SMAD1: variants seen among roughly 807,000 people sequenced by gnomAD.
SMAD1 encodes the protein MAD, mothers against decapentaplegic homolog 1.
Under a neutral mutation model 41.6 loss-of-function variants are expected in SMAD1, and 6 were observed. The observed-to-expected ratio is 0.14, with a 90% CI of 0.08 to 0.28. SMAD1 has a LOEUF of 0.28. Ranked by LOEUF, SMAD1 falls within the 10% of genes least tolerant of loss-of-function variation. The pLI, the probability that SMAD1 is intolerant of heterozygous loss-of-function variation, is 1.00. For missense variants in SMAD1, 379 were observed against 582.6 expected (o/e 0.65, Z 3.60); for synonymous variants, 206 against 203.2 (o/e 1.01, Z -0.12).
chr4:145,532,810 C>G (rs1332241086), intron 2 of SMAD1, among the ~76,000 whole-genome samples: 1 of 152,222 alleles, frequency 6.6e-6, no homozygotes, highest in Non-Finnish European at 1.5e-5. Flanking sequence ...CTCACCCTCT[C>G]TCCCTTCCTA....
chr4:145,492,075 G>C (rs1728798803), intron 1 of SMAD1, among the ~76,000 whole-genome samples: 1 of 152,072 alleles, frequency 6.6e-6, no homozygotes, highest in African/African-American at 2.4e-5. Context: ...AGGATAATAG[G>C]GGTCATGGGT....
chr4:145,496,845 G>A (rs1441163878), intron 1 of SMAD1, among the ~76,000 whole-genome samples: 2 of 152,190 alleles, frequency 1.3e-5, no homozygotes, highest in Admixed American at 1.3e-4. Flanking sequence ...GAAGTTGGTG[G>A]TGATAGTGAT....
intron 2 of SMAD1, among the ~76,000 whole-genome samples, chr4:145,521,078 C>T (rs767894191): frequency 6.6e-6 from 1 of 152,156 alleles, no homozygotes; most frequent in Non-Finnish European, 1.5e-5. Context: ...AGAGAAAGTT[C>T]GTGGAGCTTC....
In SMAD1 at chr4:145,514,490, TG is replaced by T; in HGVS notation, c.-122del. 1.1e-6 allele frequency: 1 copy of T among 920,606 alleles called. No homozygotes were observed. Among genetic ancestry groups the T allele is most frequent in the Non-Finnish European group, 1.6e-6 (1 of 622,190 alleles). The allele number at this position is 920,606 out of a possible 1,614,324, so 57.0% of individuals were successfully genotyped here. A position where few individuals can be genotyped will look rare whatever the true frequency, so the allele number is the denominator to read the frequency against. ...CTAGGAATGGTAATTTCTACTCTTCTGGACTTCAAACTAAGAAGTTAAAGAG... is the reference window on the plus strand; with the variant it reads ...CTAGGAATGGTAATTTCTACTCTTCTGACTTCAAACTAAGAAGTTAAAGAG... On this transcript the variant is annotated 5_prime_UTR_variant, in exon 2 of 7. An upstream open reading frame in the 5' UTR gains an earlier in-frame stop. Coordinates refer to ENST00000302085, the MANE Select transcript of SMAD1 (RefSeq NM_005900.3). The surrounding 1 kb of genome is among the most constrained non-coding windows in gnomAD (Gnocchi z 4.7).
At chr4:145,529,070 T>C (rs958212619) in intron 2 of SMAD1, among the ~76,000 whole-genome samples, 3 of 152,248 alleles carry the variant, frequency 2.0e-5, no homozygotes, top group African/African-American at 4.8e-5. Flanking sequence ...TGAGAAGTAC[T>C]ATTATTCCTA....
At chr4:145,542,449 G>A (rs1210198553) in intron 3 of SMAD1, 133 bp from the exon 4 acceptor site, 1 of 561,008 alleles carries the variant, frequency 1.8e-6, no homozygotes, top group African/African-American at 1.9e-5. Flanking sequence ...AGTGCCTGTA[G>A]CCTTTAGTCT....
At position 145,493,736 on chromosome 4, in the gene SMAD1, C is replaced by G. The variant is rs75733611; in HGVS notation, c.-177+11698C>G. Among the ~76,000 whole-genome samples the G allele has an allele frequency of 6.9e-3, 1,044 of 152,260 alleles. 12 individuals carry two copies. The highest frequency in any genetic ancestry group is 0.024 in the African/African-American group (989 of 41,544). On this transcript the variant is annotated intron_variant, in intron 1 of 6. Transcript: ENST00000302085. Reference sequence around the variant, plus strand: ...TTTGTTAAGCTGATATTAATCAATTCAGCAAGTATTTCATGCATTCCTGCT... The same window carrying G: ...TTTGTTAAGCTGATATTAATCAATTGAGCAAGTATTTCATGCATTCCTGCT...
intron 1 of SMAD1, among the ~76,000 whole-genome samples, chr4:145,490,639 GT>G: frequency 6.6e-6 from 1 of 152,286 alleles, no homozygotes; most frequent in East Asian, 1.9e-4. Flanking sequence ...ACACTTACTT[GT>G]TTTATAAGAA....
chr4:145,489,466 A>AAAAT (rs1210348386), intron 1 of SMAD1, among the ~76,000 whole-genome samples: 3 of 147,606 alleles, frequency 2.0e-5, no homozygotes, highest in Non-Finnish European at 4.4e-5. Flanking sequence ...GAAGGATTTA[A>AAAAT]AAATAAATAA....
intron 4 of SMAD1, among the ~76,000 whole-genome samples, chr4:145,542,958 A>G (rs1044189759): frequency 1.3e-5 from 2 of 152,020 alleles, no homozygotes; most frequent in African/African-American, 2.4e-5. Flanking sequence ...ATAATTTTTA[A>G]CTGATGATGA....
Position 145,557,948 on chromosome 4 carries a change from T to C in SMAD1, c.*14T>C. The C allele has an allele frequency of 6.3e-7, 1 of 1,589,032 alleles. No individual in the cohort carries two copies. The highest frequency in any genetic ancestry group is 8.6e-7 in the Non-Finnish European group (1 of 1,165,194). ...TCTGTATCTTAAATGGCCCCAGGCA[T>C]CTGCCTCTGGAAAACTATTGAGCCT... On this transcript the variant is annotated 3_prime_UTR_variant, in exon 7 of 7. Coordinates refer to ENST00000302085, the MANE Select transcript of SMAD1 (RefSeq NM_005900.3).
At chr4:145,556,005 G>C (rs1429325469) in intron 6 of SMAD1, among the ~76,000 whole-genome samples, 1 of 152,110 alleles carries the variant, frequency 6.6e-6, no homozygotes, top group Non-Finnish European at 1.5e-5. Context: ...TTTGCACACT[G>C]TTTTTACAAA....
intron 1 of SMAD1, among the ~76,000 whole-genome samples, chr4:145,489,628 T>C (rs1728670645): frequency 6.6e-6 from 1 of 152,178 alleles, no homozygotes; most frequent in African/African-American, 2.4e-5. Context: ...GAAGAGCTGG[T>C]TGTAGAAGAA....
intron 1 of SMAD1, among the ~76,000 whole-genome samples, chr4:145,490,863 G>A (rs1278308251): frequency 2.0e-5 from 3 of 152,158 alleles, no homozygotes; most frequent in Non-Finnish European, 4.4e-5. Flanking sequence ...AATAAGTATT[G>A]TATTCTGAAT....
At chr4:145,534,271 A>G (rs1489780322) in intron 2 of SMAD1, among the ~76,000 whole-genome samples, 2 of 152,278 alleles carry the variant, frequency 1.3e-5, no homozygotes, top group Admixed American at 1.3e-4. Context: ...AATGCAGACA[A>G]TACTTGTAGA....
At chr4:145,533,393 T>C (rs1034419527) in intron 2 of SMAD1, among the ~76,000 whole-genome samples, 26 of 152,202 alleles carry the variant, frequency 1.7e-4, no homozygotes, top group African/African-American at 5.8e-4. Context: ...ACCCTACTTA[T>C]ACAGTCTCCA....
rs1038487391 is a variant in SMAD1 at position 145,514,125 on chromosome 4, G to C, written c.-176-313G>C. Among the ~76,000 whole-genome samples, 4 of 152,094 alleles carry C rather than the reference G, an allele frequency of 2.6e-5. No homozygotes were observed. The highest frequency in any genetic ancestry group is 7.2e-5 in the African/African-American group (3 of 41,400). ...CTGGCTTGCAGATGATCACCTTCTT[G>C]CAGTACCCTCAGTGTGTGTGCATAG... On this transcript the variant is annotated intron_variant, in intron 1 of 6. Coordinates refer to ENST00000302085, the MANE Select transcript of SMAD1 (RefSeq NM_005900.3). The surrounding 1 kb of genome is among the most constrained non-coding windows in gnomAD (Gnocchi z 4.7).
chr4:145,511,354 A>G (rs897429024), intron 1 of SMAD1, among the ~76,000 whole-genome samples: 3 of 152,040 alleles, frequency 2.0e-5, no homozygotes, highest in African/African-American at 4.8e-5. Flanking sequence ...CATAACACCT[A>G]TCATAACTCC....
chr4:145,527,213 A>G (rs1255334424), intron 2 of SMAD1, among the ~76,000 whole-genome samples: 1 of 150,170 alleles, frequency 6.7e-6, no homozygotes, highest in Non-Finnish European at 1.5e-5. Flanking sequence ...CTTACCATCT[A>G]TTCTCATTTA....
Sources: gnomAD v4.1 joint callset for allele counts (sites outside exome capture counted in the v4.1 genomes callset) on GRCh38, gnomAD v4.1.1 for gene constraint, Gnocchi (gnomAD v3.1) non-coding constraint, MANE v1.5 for transcripts, NCBI Gene and HGNC (gene_info 2026-07-23, HGNC 2026-07-21) for gene names.